Variants in ERBIN observed in about 807,000 individuals in gnomAD.
ERBIN encodes the protein erbb2 interacting protein.
Under a neutral mutation model 158.4 loss-of-function variants are expected in ERBIN, and 60 were observed. That is an observed-to-expected ratio of 0.38 (90% confidence interval 0.31 to 0.47). The LOEUF (loss-of-function observed/expected upper bound fraction) is 0.47. ERBIN is among the 20% of genes least tolerant of loss of function. The pLI, the probability that ERBIN is intolerant of heterozygous loss-of-function variation, is 0.99. For missense variants in ERBIN, 1,610 were observed against 1,648.0 expected (o/e 0.98, Z 0.40); for synonymous variants, 594 against 557.2 (o/e 1.07, Z -0.93).
At chr5:66,015,993 CTCT>C (rs1235019281) in intron 7 of ERBIN, among the ~76,000 whole-genome samples, 1 of 152,182 alleles carries the variant, frequency 6.6e-6, no homozygotes, top group Non-Finnish European at 1.5e-5. Flanking sequence ...ATATGTCACT[CTCT>C]TCTTCCCTGA....
chr5:66,066,522 T>TA (rs762065039), intron 21 of ERBIN, among the ~76,000 whole-genome samples: 3,654 of 101,882 alleles, frequency 0.036, 80 homozygotes, highest in South Asian at 0.042. Context: ...CTGCCAAAAA[T>TA]AAAAAAAAAA....
chr5:65,931,283 G>A (rs1354189627), intron 1 of ERBIN, among the ~76,000 whole-genome samples: 1 of 152,196 alleles, frequency 6.6e-6, no homozygotes. Flanking sequence ...ATCCCAGAAG[G>A]CGTGAGAAAG....
At chr5:66,025,631 C>A in intron 11 of ERBIN, 79 bp downstream of exon 11, 1 of 1,134,508 alleles carries the variant, frequency 8.8e-7, no homozygotes, top group South Asian at 1.3e-5. Context: ...CAGGTATTTG[C>A]ATAAATGACC....
chr5:66,056,603 A>C (rs373104750), intron 21 of ERBIN, among the ~76,000 whole-genome samples: 1 of 151,984 alleles, frequency 6.6e-6, no homozygotes, highest in Non-Finnish European at 1.5e-5. Flanking sequence ...GTTCTTGAAG[A>C]GTATATGACA....
At chr5:66,067,970 T>C (rs899737505) in intron 21 of ERBIN, among the ~76,000 whole-genome samples, 8 of 152,036 alleles carry the variant, frequency 5.3e-5, no homozygotes, top group African/African-American at 1.4e-4. Context: ...TTAAAAAGGG[T>C]ATATCATAAA....
At chr5:65,982,982 A>G (rs1442107368) in intron 1 of ERBIN, among the ~76,000 whole-genome samples, 1 of 152,208 alleles carries the variant, frequency 6.6e-6, no homozygotes, top group Non-Finnish European at 1.5e-5. Context: ...TGCTGGTTAT[A>G]TGATTGTATT....
At chr5:65,951,944 T>C (rs978365916) in intron 1 of ERBIN, among the ~76,000 whole-genome samples, 8 of 152,232 alleles carry the variant, frequency 5.3e-5, no homozygotes, top group African/African-American at 1.9e-4. Context: ...CTTGGAACTG[T>C]CGCAAGTTTT....
At chr5:65,940,716 C>T (rs1254990442) in intron 1 of ERBIN, among the ~76,000 whole-genome samples, 21 of 148,552 alleles carry the variant, frequency 1.4e-4, no homozygotes, top group Non-Finnish European at 4.5e-5. Context: ...CCCCGCCCGG[C>T]CAGCCGCCCC....
intron 21 of ERBIN, chr5:66,068,833 C>A: frequency 6.8e-7 from 1 of 1,466,840 alleles, no homozygotes; most frequent in Non-Finnish European, 9.0e-7. Flanking sequence ...GTGGATTTTG[C>A]ATGCTACACT....
intron 2 of ERBIN, among the ~76,000 whole-genome samples, chr5:65,989,525 C>T (rs1324662486): frequency 6.6e-6 from 1 of 152,130 alleles, no homozygotes; most frequent in Non-Finnish European, 1.5e-5. Flanking sequence ...TGAATTCGTT[C>T]TCCTTTCAGA....
chr5:66,080,798 A>G lies in ERBIN; in HGVS notation c.*2268A>G, dbSNP rs1055089092. On this transcript the variant is annotated 3_prime_UTR_variant, in exon 26 of 26. Transcript: ENST00000284037. ...ATTACATTGAAGTATTATAAATGCA[A>G]CAGATGTTATATGCACTGGCATTTT... 2 of 152,092 alleles carry G rather than the reference A, an allele frequency of 1.3e-5. No individual in the cohort carries two copies. Among genetic ancestry groups the G allele is most frequent in the African/African-American group, 2.4e-5 (1 of 41,466 alleles). The allele number at this position is 152,092 out of a possible 1,614,324, so 9.4% of individuals were successfully genotyped here. A position where few individuals can be genotyped will look rare whatever the true frequency, so the allele number is the denominator to read the frequency against.
At position 66,081,030 on chromosome 5, in the gene ERBIN, G is replaced by A. The variant is rs1357139126; in HGVS notation, c.*2500G>A. The A allele has an allele frequency of 6.6e-6, 1 of 151,948 alleles. No homozygotes were observed. The highest frequency in any genetic ancestry group is 1.5e-5 in the Non-Finnish European group (1 of 67,864). 9.4% of individuals were successfully genotyped at this position (151,948 alleles called of 1,614,324 possible). On this transcript the variant is annotated 3_prime_UTR_variant, in exon 26 of 26. Coordinates refer to ENST00000284037, the MANE Select transcript of ERBIN (RefSeq NM_001253697.2). ...TAATTAAATTTTTTGAGGAAGTGGA[G>A]AAGACATTTTTAGTTTATATATTGT...
chr5:65,983,704 C>G (rs1003791853), intron 1 of ERBIN, among the ~76,000 whole-genome samples: 23 of 152,318 alleles, frequency 1.5e-4, no homozygotes, highest in African/African-American at 5.5e-4. Context: ...GCTCTTAAAT[C>G]CAGCCGAGTA....
chr5:66,070,040 C>CATTT (rs991489564), intron 21 of ERBIN, among the ~76,000 whole-genome samples: 19 of 151,620 alleles, frequency 1.3e-4, no homozygotes, highest in African/African-American at 3.2e-4. Context: ...TTTATTTATT[C>CATTT]ATTTATTTAT....
At chr5:65,961,843 C>T (rs185783448) in intron 1 of ERBIN, among the ~76,000 whole-genome samples, 2 of 152,236 alleles carry the variant, frequency 1.3e-5, no homozygotes, top group East Asian at 3.9e-4. Flanking sequence ...GTCAATTTGA[C>T]TCACATGATT....
At chr5:65,978,107 AC>A (rs1750236894) in intron 1 of ERBIN, among the ~76,000 whole-genome samples, 1 of 152,180 alleles carries the variant, frequency 6.6e-6, no homozygotes, top group Non-Finnish European at 1.5e-5. Flanking sequence ...CTTTTTGCAC[AC>A]CTTTTATTGA....
chr5:66,012,073 T>C lies in ERBIN; in HGVS notation c.332T>C (p.Ile111Thr). 6.2e-7 allele frequency: 1 copy of C among 1,605,902 alleles called. No homozygotes were observed. Residue 111 changes from isoleucine to threonine, a missense_variant, in exon 5 of 26, where the codon ATA becomes ACA. Around this residue, in one of 2 missense-constraint regions of ERBIN, gnomAD observed 596 missense variants for 711.9 expected, o/e 0.84. Coordinates refer to ENST00000284037, the MANE Select transcript of ERBIN (RefSeq NM_001253697.2). Reference sequence around the variant, plus strand: ...GGAATACAGGAGTTTCCAGAAAATATAAAAAATTGTAAAGTTTTGACAATT... The same window carrying C: ...GGAATACAGGAGTTTCCAGAAAATACAAAAAATTGTAAAGTTTTGACAATT... ...KNGIQEFPEN[I>T]KNCKVLTIVE...
At chr5:65,943,589 G>A (rs1278925265) in intron 1 of ERBIN, among the ~76,000 whole-genome samples, 2 of 152,028 alleles carry the variant, frequency 1.3e-5, no homozygotes, top group Non-Finnish European at 2.9e-5. Context: ...TGTACATCCT[G>A]TTCATCCAAG....
In ERBIN at chr5:66,075,198, C is replaced by T. The variant is rs1435654171; in HGVS notation, c.3931C>T (p.Pro1311Ser). Residue 1311 changes from proline to serine, a missense_variant, in exon 23 of 26, where the codon CCT becomes TCT. Pro to Ser is a moderately conservative substitution (Grantham distance 74). This residue lies in a region of ERBIN where 1,014 missense variants were observed against 936.1 expected (regional missense o/e 1.08). Coordinates refer to ENST00000284037, the MANE Select transcript of ERBIN (RefSeq NM_001253697.2). ...QPPYTQPHCSPRQGHELAKQE... is the reference protein window; with the variant it reads ...QPPYTQPHCSSRQGHELAKQE... ...TCCATATACACAGCCCCATTGTTCT[C>T]CTAGACAAGGCCATGAACTGGCAAA... is the stretch of plus-strand genomic sequence containing the variant. The T allele has an allele frequency of 1.2e-6, 2 of 1,614,120 alleles. No individual in the cohort carries two copies. Among genetic ancestry groups the T allele is most frequent in the South Asian group, 2.2e-5 (2 of 91,080 alleles).
Sources: gnomAD v4.1 joint callset for allele counts (sites outside exome capture counted in the v4.1 genomes callset) on GRCh38, gnomAD v4.1.1 for gene constraint, gnomAD v4.1.1 regional missense constraint, MANE v1.5 for transcripts, NCBI Gene and HGNC (gene_info 2026-07-23, HGNC 2026-07-21) for gene names.